Variants in NCOA6 observed in about 807,000 individuals in gnomAD.
NCOA6 encodes NRC RAP250.
NCOA6 carries 49 observed loss-of-function variants against 171.4 expected under a neutral mutation model. The observed-to-expected ratio is 0.29, with a 90% CI of 0.23 to 0.36. NCOA6 has a LOEUF of 0.36. NCOA6 is among the 10% of genes least tolerant of loss of function. The pLI, the probability that NCOA6 is intolerant of heterozygous loss-of-function variation, is 1.00. For synonymous variants in NCOA6, 910 were observed against 927.5 expected (o/e 0.98, Z 0.34); for missense variants, 2,248 against 2,554.5 (o/e 0.88, Z 2.59).
At chr20:34,772,241 G>A (rs2077172170) in intron 4 of NCOA6, among the ~76,000 whole-genome samples, 1 of 151,810 alleles carries the variant, frequency 6.6e-6, no homozygotes, top group African/African-American at 2.4e-5. Flanking sequence ...TTAAGCCCAG[G>A]AGGCCGGGGC....
intron 1 of NCOA6, among the ~76,000 whole-genome samples, chr20:34,811,274 C>A (rs74358111): frequency 0.056 from 7,146 of 126,554 alleles, 238 homozygotes; most frequent in East Asian, 0.09. Flanking sequence ...TATCTCTATT[C>A]AAATATGTTT....
chr20:34,760,981 G>A (rs1045316843), intron 5 of NCOA6, among the ~76,000 whole-genome samples: 2 of 152,086 alleles, frequency 1.3e-5, no homozygotes, highest in Admixed American at 6.6e-5. Context: ...AGCACTTTGG[G>A]AGGCTGAGGC....
chr20:34,771,038 C>A (rs543562288), intron 4 of NCOA6, among the ~76,000 whole-genome samples: 2 of 152,076 alleles, frequency 1.3e-5, no homozygotes, highest in Non-Finnish European at 2.9e-5. Context: ...TTTCTAGAAG[C>A]CACAGTAAGA....
intron 3 of NCOA6, among the ~76,000 whole-genome samples, chr20:34,780,446 C>T (rs1398869356): frequency 1.3e-5 from 2 of 151,900 alleles, no homozygotes; most frequent in African/African-American, 2.4e-5. Context: ...CAACCTCTAC[C>T]TCCCAGGTTC....
chr20:34,789,546 G>A (rs1011616552), intron 2 of NCOA6, among the ~76,000 whole-genome samples: 4 of 152,196 alleles, frequency 2.6e-5, no homozygotes, highest in Non-Finnish European at 5.9e-5. Context: ...GCCGAGGTGG[G>A]CAGACGGCTT....
Position 34,741,959 on chromosome 20 carries a change from T to G in NCOA6, c.4297A>C (p.Arg1433=). ...QDSDCQNSQS[R]KEQVNIELKA... is the part of the protein sequence containing the mutation. ...AGTTCAATGTTTACCTGTTCCTTCC[T>G]ACTCTGGGAATTCTGGCAATCACTG... The change falls in exon 11 of 15, where the codon AGG becomes CGG. Residue 1433 remains arginine (R), a synonymous_variant. Coordinates refer to ENST00000359003, the MANE Select transcript of NCOA6 (RefSeq NM_014071.5). 3 of 1,614,228 alleles carry G rather than the reference T, an allele frequency of 1.9e-6. No homozygotes were observed. Among genetic ancestry groups the G allele is most frequent in the Non-Finnish European group, 2.5e-6 (3 of 1,180,038 alleles).
intron 14 of NCOA6, among the ~76,000 whole-genome samples, chr20:34,722,841 A>C (rs1600727653): frequency 6.6e-6 from 1 of 151,650 alleles, no homozygotes; most frequent in African/African-American, 2.4e-5. Flanking sequence ...ATACACACAC[A>C]CCCACACACA....
chr20:34,735,694 T>C (rs945536974), intron 12 of NCOA6, among the ~76,000 whole-genome samples: 1 of 151,434 alleles, frequency 6.6e-6, no homozygotes, highest in Admixed American at 6.6e-5. Context: ...GTGGCTGAAA[T>C]GTTTTTTGCT....
intron 8 of NCOA6, among the ~76,000 whole-genome samples, chr20:34,752,780 A>G (rs571416487): frequency 8.9e-4 from 136 of 151,964 alleles, no homozygotes; most frequent in Middle Eastern, 3.4e-3. Flanking sequence ...AATTAAAAAA[A>G]TAGCAGGGCA....
intron 5 of NCOA6, among the ~76,000 whole-genome samples, chr20:34,763,827 A>T (rs1423545521): frequency 6.6e-6 from 1 of 152,148 alleles, no homozygotes; most frequent in African/African-American, 2.4e-5. Context: ...CCAGAGAGTG[A>T]CATTTTCCTA....
chr20:34,781,761 A>G (rs1233547046), intron 3 of NCOA6, among the ~76,000 whole-genome samples: 1 of 152,234 alleles, frequency 6.6e-6, no homozygotes, highest in Non-Finnish European at 1.5e-5. Context: ...TGGAATAATA[A>G]GTTTTCTAAG....
chr20:34,718,637 C>G (rs767417395), intron 14 of NCOA6, among the ~76,000 whole-genome samples: 58 of 152,042 alleles, frequency 3.8e-4, no homozygotes, highest in Non-Finnish European at 7.6e-4. Flanking sequence ...TCCCTAGTAG[C>G]TGGGATTACA....
chr20:34,814,978 TGGGCACAAATAAAGAAAGCACCTGA>T (rs2078785637), intron 1 of NCOA6, among the ~76,000 whole-genome samples: 1 of 152,188 alleles, frequency 6.6e-6, no homozygotes, highest in Non-Finnish European at 1.5e-5. Flanking sequence ...AAGAACTGCC[TGGGCACAAATAAAGAAAGCACCTGA>T]GGGCTATTAC....
chr20:34,760,298 C>G (rs781461327), intron 5 of NCOA6, among the ~76,000 whole-genome samples: 1 of 152,174 alleles, frequency 6.6e-6, no homozygotes, highest in Non-Finnish European at 1.5e-5. Context: ...AGTGACAACG[C>G]CTATACTTAT....
rs373873842 is a variant in NCOA6, at chr20:34,727,410, G to A, written c.6000-3C>T. The A allele has an allele frequency of 6.2e-7, 1 of 1,613,286 alleles. No individual in the cohort carries two copies. The highest frequency in any genetic ancestry group is 2.2e-5 in the East Asian group (1 of 44,874). On this transcript the variant is annotated splice_polypyrimidine_tract_variant and splice_region_variant and intron_variant, in intron 13 of 14. Coordinates refer to ENST00000359003, the MANE Select transcript of NCOA6 (RefSeq NM_014071.5). Reference sequence around the variant, plus strand: ...CAACTATCTCTTTGGGCTCACTGCTGACAGAGGGAAGCAAAAAGTTTCCAA... The same window carrying A: ...CAACTATCTCTTTGGGCTCACTGCTAACAGAGGGAAGCAAAAAGTTTCCAA...
chr20:34,766,424 G>T (rs1016559226), intron 5 of NCOA6, among the ~76,000 whole-genome samples: 3 of 152,000 alleles, frequency 2.0e-5, no homozygotes, highest in Non-Finnish European at 2.9e-5. Context: ...CAACCAGCCT[G>T]GTCAACATGG....
intron 14 of NCOA6, among the ~76,000 whole-genome samples, chr20:34,716,763 AT>A (rs1286514206): frequency 2.9e-4 from 44 of 150,106 alleles, no homozygotes; most frequent in African/African-American, 1.1e-3. Flanking sequence ...CCCCATCTCT[AT>A]TTAAAAAAAA....
rs115229683 is a variant in NCOA6, at chr20:34,805,042, C to T, written c.-163-12479G>A. Among the ~76,000 whole-genome samples the T allele has an allele frequency of 9.8e-3, 1,476 of 151,028 alleles. 24 individuals carry two copies. The highest frequency in any genetic ancestry group is 0.033 in the African/African-American group (1,354 of 41,082). ...CTGTTCTACTCTCTATTTCTTATAC[C>T]CTTTTTTTTTTTTTTTAAGACAGTC... On this transcript the variant is annotated intron_variant, in intron 1 of 14. Transcript: ENST00000359003.
chr20:34,781,914 T>C (rs1412720420), intron 3 of NCOA6, among the ~76,000 whole-genome samples: 1 of 152,154 alleles, frequency 6.6e-6, no homozygotes, highest in Admixed American at 6.5e-5. Context: ...ATTACCATAA[T>C]AAGCAACACT....
Sources: gnomAD v4.1 joint callset for allele counts (sites outside exome capture counted in the v4.1 genomes callset) on GRCh38, gnomAD v4.1.1 for gene constraint, MANE v1.5 for transcripts, NCBI Gene and HGNC (gene_info 2026-07-23, HGNC 2026-07-21) for gene names.